UBE3D: variants seen among roughly 807,000 people sequenced by gnomAD.
UBE3D encodes the protein E3 ubiquitin-protein ligase E3D.
Under a neutral mutation model 49.6 loss-of-function variants are expected in UBE3D, and 48 were observed. The ratio of observed to expected loss-of-function variants is 0.97; its 90% CI spans 0.77 to 1.23. The LOEUF (loss-of-function observed/expected upper bound fraction) is 1.23, where lower values mean the gene tolerates loss of function less well. Among genes scored for constraint, UBE3D ranks in the 50% most tolerant of loss-of-function variants. The pLI is 0.00. For missense variants in UBE3D, 452 were observed against 468.4 expected (o/e 0.96, Z 0.32); for synonymous variants, 189 against 174.2 (o/e 1.08, Z -0.67).
the UBE3D span, among the ~76,000 whole-genome samples, chr6:82,882,861 G>A: frequency 1.3e-5 from 2 of 152,072 alleles, no homozygotes; most frequent in Non-Finnish European, 2.9e-5. Flanking sequence ...ACAAAAGCCA[G>A]TGCTTGCTCC....
At chr6:83,065,013 T>C (rs1038451152) in intron 1 of UBE3D, among the ~76,000 whole-genome samples, 10 of 152,294 alleles carry the variant, frequency 6.6e-5, no homozygotes, top group Admixed American at 3.3e-4. Flanking sequence ...ATAGAGAACA[T>C]TTTTCCTAAA....
At chr6:82,938,374 G>A (rs1349479968) in intron 9 of UBE3D, 1 of 152,162 alleles carries the variant, frequency 6.6e-6, no homozygotes, top group Non-Finnish European at 1.5e-5. Context: ...GACTACAGAG[G>A]CTGCACATCC....
At chr6:83,029,394 G>A (rs1433325724) in intron 5 of UBE3D, among the ~76,000 whole-genome samples, 1 of 152,008 alleles carries the variant, frequency 6.6e-6, no homozygotes, top group African/African-American at 2.4e-5. Flanking sequence ...AGATCATCTA[G>A]TGAATTTTTC....
chr6:83,054,063 T>C (rs1334811551), intron 3 of UBE3D, 85 bp downstream of exon 3: 5 of 1,168,796 alleles, frequency 4.3e-6, no homozygotes, highest in Non-Finnish European at 6.4e-6. Flanking sequence ...TACTACTCCA[T>C]TGGCAATTAC....
At chr6:82,909,877 G>A (rs892263504) in intron 9 of UBE3D, among the ~76,000 whole-genome samples, 3 of 152,124 alleles carry the variant, frequency 2.0e-5, no homozygotes, top group African/African-American at 4.8e-5. Flanking sequence ...AATTGGATGC[G>A]ATCCTTCCCC....
chr6:82,900,834 C>T (rs1771677857), intron 9 of UBE3D, among the ~76,000 whole-genome samples: 2 of 152,012 alleles, frequency 1.3e-5, no homozygotes, highest in South Asian at 4.1e-4. Flanking sequence ...GTCATACCTG[C>T]CTTTGAAAAC....
chr6:82,924,638 C>G (rs1773610916), intron 9 of UBE3D, among the ~76,000 whole-genome samples: 1 of 152,086 alleles, frequency 6.6e-6, no homozygotes, highest in Non-Finnish European at 1.5e-5. Flanking sequence ...TCTTTAAAAT[C>G]ACTGAATCTT....
chr6:83,018,889 A>C, intron 8 of UBE3D, 84 bp downstream of exon 8: 1 of 1,507,908 alleles, frequency 6.6e-7, no homozygotes. Context: ...GTATAGTGGC[A>C]TTTAATTCAT....
intron 9 of UBE3D, among the ~76,000 whole-genome samples, chr6:82,946,411 A>T (rs1361438813): frequency 6.6e-6 from 1 of 152,162 alleles, no homozygotes; most frequent in Non-Finnish European, 1.5e-5. Context: ...ATATCTGGAG[A>T]AAATATCCTT....
chr6:82,907,464 C>T (rs1298753939), intron 9 of UBE3D, among the ~76,000 whole-genome samples: 1 of 152,034 alleles, frequency 6.6e-6, no homozygotes, highest in Admixed American at 6.6e-5. Flanking sequence ...TTTCTCAGTC[C>T]CTGAGTTTCC....
intron 9 of UBE3D, among the ~76,000 whole-genome samples, chr6:82,944,778 G>T (rs1213778512): frequency 6.6e-6 from 1 of 152,204 alleles, no homozygotes; most frequent in Non-Finnish European, 1.5e-5. Flanking sequence ...ACCACAAGTT[G>T]ACTGAAGTGC....
In UBE3D at chr6:82,982,306, C is replaced by T. The variant is rs144081133; in HGVS notation, c.1011-24856G>A. ...CAGAGTTATTTTAAAATATCATATC[C>T]GTATCAAAAAAATTAACAATAACTT... On this transcript the variant is annotated intron_variant, in intron 8 of 9. Coordinates refer to ENST00000369747, the MANE Select transcript of UBE3D (RefSeq NM_198920.3). 8.7e-3 allele frequency among the ~76,000 whole-genome samples: 1,325 copies of T among 152,086 alleles called. 10 individuals carry two copies. The highest frequency in any genetic ancestry group is 0.014 in the Non-Finnish European group (933 of 67,970).
intron 8 of UBE3D, among the ~76,000 whole-genome samples, chr6:82,965,361 A>G (rs1268522631): frequency 3.3e-5 from 5 of 152,158 alleles, no homozygotes; most frequent in African/African-American, 1.2e-4. Context: ...AGGCCAGTGG[A>G]TCACCTGAGG....
chr6:82,918,491 A>G (rs1773093277), intron 9 of UBE3D, among the ~76,000 whole-genome samples: 1 of 152,154 alleles, frequency 6.6e-6, no homozygotes, highest in Admixed American at 6.5e-5. Flanking sequence ...GAAAAAGTTG[A>G]AAACTAAACA....
At chr6:83,045,475 T>C (rs562278797) in intron 3 of UBE3D, among the ~76,000 whole-genome samples, 107 of 151,838 alleles carry the variant, frequency 7.0e-4, no homozygotes, top group Non-Finnish European at 1.1e-3. Context: ...GGTATTATTA[T>C]GTTCTTATTA....
chr6:83,041,726 A>AC (rs781493771), intron 4 of UBE3D, among the ~76,000 whole-genome samples: 4 of 152,210 alleles, frequency 2.6e-5, no homozygotes, highest in Non-Finnish European at 5.9e-5. Flanking sequence ...AAAACAAATT[A>AC]CCAAAAGCAA....
intron 8 of UBE3D, among the ~76,000 whole-genome samples, chr6:82,976,575 T>A (rs1048728595): frequency 1.3e-5 from 2 of 152,122 alleles, no homozygotes; most frequent in Admixed American, 1.3e-4. Flanking sequence ...CTTCAGCCAA[T>A]ATTTCTGCCA....
intron 9 of UBE3D, among the ~76,000 whole-genome samples, chr6:82,898,489 T>A (rs1771495987): frequency 6.6e-6 from 1 of 152,194 alleles, no homozygotes; most frequent in Admixed American, 6.5e-5. Flanking sequence ...CACGGAATAC[T>A]ATGCAGCCAT....
intron 1 of UBE3D, among the ~76,000 whole-genome samples, chr6:83,064,374 C>A (rs1187311185): frequency 6.6e-6 from 1 of 152,084 alleles, no homozygotes; most frequent in African/African-American, 2.4e-5. Flanking sequence ...ACTAAAGGTG[C>A]GCGCCACCAC....
Sources: allele counts gnomAD v4.1 joint callset (sites outside exome capture counted in the v4.1 genomes callset), GRCh38; gene constraint gnomAD v4.1.1; transcripts MANE v1.5; gene names NCBI Gene and HGNC (gene_info 2026-07-23, HGNC 2026-07-21).